Variants in ARL13B observed in about 807,000 individuals in gnomAD.
ARL13B encodes ARF like GTPase 13B, also known as ADP-ribosylation factor-like protein 13B.
Under a neutral mutation model 56.1 loss-of-function variants are expected in ARL13B, and 36 were observed. That is an observed-to-expected ratio of 0.64 (90% CI 0.49 to 0.85). The LOEUF is 0.85. Among genes scored for constraint, ARL13B ranks in the 40% least tolerant of loss-of-function variants. The pLI is 0.00. For missense variants in ARL13B, 519 were observed against 507.1 expected (o/e 1.02, Z -0.23); for synonymous variants, 178 against 171.1 (o/e 1.04, Z -0.32).
At chr3:94,046,065 G>T (rs1323269144) in intron 7 of ARL13B, among the ~76,000 whole-genome samples, 1 of 150,772 alleles carries the variant, frequency 6.6e-6, no homozygotes, top group African/African-American at 2.4e-5. Context: ...ACACAATAGA[G>T]ATTCTAGAAA....
At chr3:94,044,548 T>C (rs542647712) in intron 7 of ARL13B, among the ~76,000 whole-genome samples, 70 of 121,628 alleles carry the variant, frequency 5.8e-4, no homozygotes, top group Non-Finnish European at 9.6e-4. Context: ...ATCTGGGAGG[T>C]GAGGAGCGCC....
chr3:94,003,525 G>C, intron 2 of ARL13B, 134 bp from the exon 3 acceptor site: 2 of 1,004,748 alleles, frequency 2.0e-6, no homozygotes, highest in Non-Finnish European at 2.9e-6. Context: ...CCCCAAACCA[G>C]TATGCTTCAA....
At chr3:93,980,789 T>A (rs1048682712) in intron 1 of ARL13B, among the ~76,000 whole-genome samples, 3 of 152,016 alleles carry the variant, frequency 2.0e-5, no homozygotes, top group African/African-American at 7.3e-5. Context: ...TTGTGTGTTT[T>A]TCCTCTGAAG....
intron 3 of ARL13B, among the ~76,000 whole-genome samples, chr3:94,021,460 G>T (rs1384066066): frequency 6.6e-6 from 1 of 152,046 alleles, no homozygotes; most frequent in Non-Finnish European, 1.5e-5. Flanking sequence ...CTCCCAAAGT[G>T]CTGGGATTAC....
At chr3:93,984,855 A>T (rs951624708) in intron 1 of ARL13B, among the ~76,000 whole-genome samples, 2 of 152,102 alleles carry the variant, frequency 1.3e-5, no homozygotes, top group African/African-American at 2.4e-5. Context: ...AAAATGTTTT[A>T]AAAAATTAGC....
At position 94,055,388 on chromosome 3, in the gene ARL13B, T is replaced by A. The variant is rs977910364; in HGVS notation, c.*2125T>A. The A allele has an allele frequency of 4.4e-6, 2 of 450,094 alleles. No individual in the cohort carries two copies. The highest frequency in any genetic ancestry group is 4.0e-5 in the African/African-American group (2 of 49,954). 27.9% of individuals were successfully genotyped at this position (450,094 alleles called of 1,614,324 possible). ...TGAAAAACAGTTTAAATCAGTAGAT[T>A]AAAATAATGCATTTTTTTGATACTT... is the stretch of plus-strand genomic sequence containing the variant. On this transcript the variant is annotated 3_prime_UTR_variant, in exon 10 of 10. Coordinates refer to ENST00000394222, the MANE Select transcript of ARL13B (RefSeq NM_001174150.2).
chr3:93,988,253 A>G lies in ARL13B; in HGVS notation c.60-7621A>G, dbSNP rs914418374. Among the ~76,000 whole-genome samples, 57 of 152,022 alleles carry G rather than the reference A, an allele frequency of 3.7e-4. 1 individual carries two copies. Among genetic ancestry groups the G allele is most frequent in the Non-Finnish European group, 1.6e-4 (11 of 67,992 alleles). On this transcript the variant is annotated intron_variant, in intron 1 of 9. Coordinates refer to ENST00000394222, the MANE Select transcript of ARL13B (RefSeq NM_001174150.2). ...ACAATTCTGTGAAAAAAAAAAAAAA[A>G]CATGGCAATAGAAGTAATTTAAAAT... is the stretch of plus-strand genomic sequence containing the variant.
intron 3 of ARL13B, among the ~76,000 whole-genome samples, chr3:94,012,233 C>T (rs1292606986): frequency 6.6e-6 from 1 of 152,140 alleles, no homozygotes; most frequent in African/African-American, 2.4e-5. Context: ...ATCTGTACTT[C>T]TGGTCCTGAC....
intron 3 of ARL13B, among the ~76,000 whole-genome samples, chr3:94,024,327 G>A (rs1310367538): frequency 6.6e-6 from 1 of 152,178 alleles, no homozygotes; most frequent in African/African-American, 2.4e-5. Context: ...AAAAGAAAGA[G>A]TAACAATGTT....
chr3:94,015,066 A>G (rs763723684), intron 3 of ARL13B: 2 of 1,613,822 alleles, frequency 1.2e-6, no homozygotes, highest in Admixed American at 1.7e-5. Flanking sequence ...CAAATTTTTG[A>G]ACATTATCTG....
intron 8 of ARL13B, among the ~76,000 whole-genome samples, chr3:94,049,858 A>G (rs2077042154): frequency 6.6e-6 from 1 of 152,058 alleles, no homozygotes; most frequent in African/African-American, 2.4e-5. Context: ...ATGAGTTTTT[A>G]AAACATTGAA....
At chr3:94,014,665 A>G in intron 3 of ARL13B, 2 of 1,613,588 alleles carry the variant, frequency 1.2e-6, no homozygotes, top group Non-Finnish European at 1.7e-6. Context: ...AGTGATATTG[A>G]TTTCTGTAAG....
intron 8 of ARL13B, 61 bp from the exon 9 acceptor site, chr3:94,050,763 T>G: frequency 7.0e-7 from 1 of 1,429,520 alleles, no homozygotes; most frequent in South Asian, 1.2e-5. Context: ...AGGGATCCTC[T>G]CAACAGACCT....
intron 3 of ARL13B, among the ~76,000 whole-genome samples, chr3:94,028,199 A>G (rs1167633052): frequency 4.6e-5 from 7 of 152,156 alleles, no homozygotes; most frequent in Non-Finnish European, 1.0e-4. Context: ...CCCAGTCAGC[A>G]TGTCAGTAAT....
At chr3:94,005,840 GT>G (rs910023099) in intron 3 of ARL13B, among the ~76,000 whole-genome samples, 9 of 152,024 alleles carry the variant, frequency 5.9e-5, no homozygotes, top group African/African-American at 2.2e-4. Flanking sequence ...AGAGGGAAAG[GT>G]TTTTTGTATA....
At chr3:93,987,899 G>A (rs1351704774) in intron 1 of ARL13B, among the ~76,000 whole-genome samples, 1 of 151,966 alleles carries the variant, frequency 6.6e-6, no homozygotes, top group African/African-American at 2.4e-5. Flanking sequence ...TCCCACCTTG[G>A]CCACCCAAAG....
intron 1 of ARL13B, among the ~76,000 whole-genome samples, chr3:93,994,763 T>C (rs769966280): frequency 8.5e-5 from 13 of 152,132 alleles, no homozygotes; most frequent in Non-Finnish European, 1.8e-4. Context: ...ACCTCTGTCT[T>C]CTGTCTTTGT....
At chr3:93,987,733 T>G (rs1575927215) in intron 1 of ARL13B, among the ~76,000 whole-genome samples, 2 of 152,202 alleles carry the variant, frequency 1.3e-5, no homozygotes, top group South Asian at 4.2e-4. Flanking sequence ...ACTGCAGCCT[T>G]GACTGCCCGG....
In ARL13B at chr3:94,014,809, G is replaced by T. The variant is rs771628759; in HGVS notation, c.380+10901G>T. 21 of 1,613,926 alleles carry T rather than the reference G, an allele frequency of 1.3e-5. No individual in the cohort carries two copies. The highest frequency in any genetic ancestry group is 1.7e-5 in the Non-Finnish European group (20 of 1,179,990). On this transcript the variant is annotated intron_variant, in intron 3 of 9. Coordinates refer to ENST00000394222, the MANE Select transcript of ARL13B (RefSeq NM_001174150.2). ...GCACTTCTCTTGCTTTGCTGCTATT[G>T]TGTCATTGTATATAAACATGATTTG...
Sources: allele counts gnomAD v4.1 joint callset (sites outside exome capture counted in the v4.1 genomes callset), GRCh38; gene constraint gnomAD v4.1.1; transcripts MANE v1.5; gene names NCBI Gene and HGNC (gene_info 2026-07-23, HGNC 2026-07-21).